Variants in TMEM65 observed in about 807,000 individuals in gnomAD.
TMEM65 encodes transmembrane protein 65.
Under a neutral mutation model 25.4 loss-of-function variants are expected in TMEM65, and 22 were observed. That is an observed-to-expected ratio of 0.86 (90% CI 0.62 to 1.23). The LOEUF is 1.23. Ranked by LOEUF, TMEM65 falls within the 50% of genes most tolerant of loss-of-function variation. The probability of loss-of-function intolerance (pLI) is 0.00; values close to 1 mark genes in which losing one functional copy is unlikely to be tolerated. For missense variants in TMEM65, 262 were observed against 308.2 expected, an observed-to-expected ratio of 0.85 and a Z score of 1.12; for synonymous variants, 132 against 126.2, an observed-to-expected ratio of 1.05 and a Z score of -0.31.
intron 5 of TMEM65, among the ~76,000 whole-genome samples, chr8:124,321,670 G>A (rs1814305128): frequency 6.6e-6 from 1 of 151,986 alleles, no homozygotes; most frequent in African/African-American, 2.4e-5. Context: ...CTTCTCTTTG[G>A]GTTTTCTGGG....
At chr8:124,371,004 A>C (rs1330549394) in intron 1 of TMEM65, among the ~76,000 whole-genome samples, 1 of 152,082 alleles carries the variant, frequency 6.6e-6, no homozygotes, top group African/African-American at 2.4e-5. Context: ...TTATTTTCTG[A>C]ACTTTTAGCT....
rs1274245553 is a variant in TMEM65 at position 124,312,771 on chromosome 8, AAAAC to A, written c.*1185_*1188del. 2 of 151,994 alleles carry A rather than the reference AAAAC, an allele frequency of 1.3e-5. No individual in the cohort carries two copies. The highest frequency in any genetic ancestry group is 2.4e-5 in the African/African-American group (1 of 41,450). 9.4% of individuals were successfully genotyped at this position (151,994 alleles called of 1,614,324 possible). On this transcript the variant is annotated 3_prime_UTR_variant, in exon 7 of 7. Transcript: ENST00000297632. ...AAATACCACAAAAGAAGAAAAAAGA[AAAAC>A]AAAGGGAAAAAGGATTTCTCCTCAT... is the stretch of plus-strand genomic sequence containing the variant.
chr8:124,360,499 G>C (rs1814845995), intron 1 of TMEM65, among the ~76,000 whole-genome samples: 3 of 151,280 alleles, frequency 2.0e-5, no homozygotes, highest in Admixed American at 6.6e-5. Context: ...AAGAGAGGGA[G>C]AACTGAGTCA....
At chr8:124,325,274 G>A (rs147448482) in intron 3 of TMEM65, among the ~76,000 whole-genome samples, 71 of 152,070 alleles carry the variant, frequency 4.7e-4, no homozygotes, top group African/African-American at 1.6e-3. Context: ...AATGAGAGGG[G>A]TTGATCAGTA....
intron 1 of TMEM65, among the ~76,000 whole-genome samples, chr8:124,352,317 A>G (rs1814720196): frequency 6.6e-6 from 1 of 152,242 alleles, no homozygotes; most frequent in Non-Finnish European, 1.5e-5. Context: ...ATAATGAAAA[A>G]TGAATTATTA....
chr8:124,316,240 C>T (rs537010223), intron 6 of TMEM65, among the ~76,000 whole-genome samples: 4 of 152,326 alleles, frequency 2.6e-5, no homozygotes, highest in African/African-American at 9.6e-5. Context: ...ATACTCTAGG[C>T]CCCATAGTTA....
rs141228107 is a variant in TMEM65, at chr8:124,349,806, T to C, written c.305-19014A>G. 2.5e-3 allele frequency among the ~76,000 whole-genome samples: 382 copies of C among 152,238 alleles called. 2 individuals are homozygous for C. The highest frequency in any genetic ancestry group is 8.8e-3 in the African/African-American group (365 of 41,552). ...AAGAGCACTGACAGGCAAGTCCTAC[T>C]ATCAGTTATCATTCAGCAGCTCCTG... On this transcript the variant is annotated intron_variant, in intron 1 of 6. Coordinates refer to ENST00000297632, the MANE Select transcript of TMEM65 (RefSeq NM_194291.3).
chr8:124,342,329 C>A (rs1216352552), intron 1 of TMEM65, among the ~76,000 whole-genome samples: 1 of 152,070 alleles, frequency 6.6e-6, no homozygotes, highest in Admixed American at 6.6e-5. Flanking sequence ...TAAGATCATA[C>A]CATTGGACTG....
At chr8:124,315,338 T>C (rs1814222055) in intron 6 of TMEM65, among the ~76,000 whole-genome samples, 1 of 152,138 alleles carries the variant, frequency 6.6e-6, no homozygotes, top group South Asian at 2.1e-4. Context: ...TGTTTTTTTT[T>C]TGAGACGGAG....
chr8:124,341,423 T>C (rs907238047), intron 1 of TMEM65, among the ~76,000 whole-genome samples: 2 of 152,054 alleles, frequency 1.3e-5, no homozygotes, highest in Non-Finnish European at 2.9e-5. Context: ...AGTATACTAA[T>C]ACAAAATTAG....
chr8:124,348,949 A>G (rs763035694), intron 1 of TMEM65, among the ~76,000 whole-genome samples: 4 of 152,160 alleles, frequency 2.6e-5, no homozygotes, highest in Non-Finnish European at 5.9e-5. Context: ...ACTTCCTACA[A>G]TGCACAACAG....
At chr8:124,371,146 T>C (rs1213388076) in intron 1 of TMEM65, among the ~76,000 whole-genome samples, 1 of 152,250 alleles carries the variant, frequency 6.6e-6, no homozygotes, top group Non-Finnish European at 1.5e-5. Context: ...AGTCTGACTT[T>C]TACTACAGAG....
chr8:124,319,430 T>C (rs1357436198), intron 6 of TMEM65, among the ~76,000 whole-genome samples: 1 of 152,200 alleles, frequency 6.6e-6, no homozygotes, highest in Non-Finnish European at 1.5e-5. Flanking sequence ...GTCTGATCCC[T>C]GCTTACTTCT....
intron 4 of TMEM65, 141 bp from the exon 5 acceptor site, chr8:124,322,288 C>T: frequency 1.8e-6 from 1 of 550,902 alleles, no homozygotes; most frequent in Non-Finnish European, 3.1e-6. Flanking sequence ...CATTGGACAG[C>T]TCTTACTCTC....
intron 1 of TMEM65, among the ~76,000 whole-genome samples, chr8:124,343,296 C>T (rs1290530682): frequency 6.6e-6 from 1 of 152,086 alleles, no homozygotes; most frequent in African/African-American, 2.4e-5. Flanking sequence ...TCCTATGTCC[C>T]TGATAATAGA....
Position 124,320,171 on chromosome 8 carries a change from GC to G in TMEM65, c.535del (p.Ala179HisfsTer6). On this transcript the variant is annotated frameshift_variant, in exon 6 of 7. Transcript: ENST00000297632. LOFTEE classifies it high-confidence loss of function. Reference protein sequence around the residue: ...AGLGLAGYVEALASRLGLSIP... With the variant: ...AGLGLAGYVEXLASRLGLSIP... ...TGACAGGCCTAACCTGGAAGCCAAT[GC>G]TTCAACGTAGCCTGCAAGTCTTTGA... is the stretch of plus-strand genomic sequence containing the variant. The G allele has an allele frequency of 6.2e-7, 1 of 1,612,872 alleles. No individual in the cohort carries two copies. The highest frequency in any genetic ancestry group is 8.5e-7 in the Non-Finnish European group (1 of 1,179,182).
chr8:124,353,136 CA>C (rs1188328888), intron 1 of TMEM65, among the ~76,000 whole-genome samples: 1 of 150,524 alleles, frequency 6.6e-6, no homozygotes, highest in Non-Finnish European at 1.5e-5. Flanking sequence ...CAAAAAAAAA[CA>C]AAAAAAAGAA....
chr8:124,330,721 T>C (rs1410423605), intron 2 of TMEM65, 27 bp downstream of exon 2: 9 of 1,588,388 alleles, frequency 5.7e-6, no homozygotes, highest in South Asian at 1.1e-5. Context: ...CAGATGAACA[T>C]ATATTTAACA....
At chr8:124,329,734 A>G (rs1814409002) in intron 2 of TMEM65, among the ~76,000 whole-genome samples, 1 of 152,010 alleles carries the variant, frequency 6.6e-6, no homozygotes, top group Admixed American at 6.6e-5. Context: ...TACAAAGATA[A>G]ATAAGACTTG....
Sources: gnomAD v4.1 joint callset for allele counts (sites outside exome capture counted in the v4.1 genomes callset) on GRCh38, gnomAD v4.1.1 for gene constraint, MANE v1.5 for transcripts, NCBI Gene and HGNC (gene_info 2026-07-23, HGNC 2026-07-21) for gene names.